Variants in RYR3 observed in about 807,000 individuals in gnomAD.
The protein encoded by RYR3 is brain ryanodine receptor-calcium release channel.
Under a neutral mutation model 584.3 loss-of-function variants are expected in RYR3, and 207 were observed. The ratio of observed to expected loss-of-function variants is 0.35; its 90% CI spans 0.32 to 0.40. The LOEUF (loss-of-function observed/expected upper bound fraction) is 0.40. Ranked by LOEUF, RYR3 falls within the 10% of genes least tolerant of loss-of-function variation. RYR3 has a pLI of 1.00. For synonymous variants in RYR3, 2,416 were observed against 2,248.5 expected (o/e 1.07, Z -2.11); for missense variants, 5,616 against 6,089.2 (o/e 0.92, Z 2.59).
rs2041921753 is a variant in RYR3 at position 33,390,476 on chromosome 15, T to A, written c.51+79380T>A. Among the ~76,000 whole-genome samples the A allele has an allele frequency of 6.6e-6, 1 of 152,222 alleles. No individual in the cohort carries two copies. The highest frequency in any genetic ancestry group is 1.5e-5 in the Non-Finnish European group (1 of 68,040). Reference sequence around the variant, plus strand: ...TGTGAAGTTGCTTCTCTTTATCTGTTGATCTTATGATGCTGAAAATAGGGG... The same window carrying A: ...TGTGAAGTTGCTTCTCTTTATCTGTAGATCTTATGATGCTGAAAATAGGGG... On this transcript the variant is annotated intron_variant, in intron 1 of 103. Transcript: ENST00000634891. The surrounding 1 kb of genome is among the most constrained non-coding windows in gnomAD (Gnocchi z 4.2).
chr15:33,794,222 A>ACT (rs2075408078), intron 67 of RYR3, among the ~76,000 whole-genome samples: 1 of 69,106 alleles, frequency 1.4e-5, no homozygotes, highest in Non-Finnish European at 3.0e-5. Context: ...ATTATATATA[A>ACT]ATATATATAA....
At chr15:33,614,838 A>C (rs956032502) in intron 19 of RYR3, among the ~76,000 whole-genome samples, 2 of 151,990 alleles carry the variant, frequency 1.3e-5, no homozygotes, top group African/African-American at 4.8e-5. Flanking sequence ...AGGAATGTAC[A>C]TCAAAGAAAA....
intron 38 of RYR3, among the ~76,000 whole-genome samples, chr15:33,673,677 A>G (rs540615265): frequency 2.6e-5 from 4 of 152,372 alleles, no homozygotes; most frequent in African/African-American, 7.2e-5. Flanking sequence ...GAGGCTGACC[A>G]TCTATTTCTC....
At chr15:33,582,840 C>T (rs548906595) in intron 14 of RYR3, among the ~76,000 whole-genome samples, 2 of 152,144 alleles carry the variant, frequency 1.3e-5, no homozygotes, top group African/African-American at 4.8e-5. Context: ...CTAGAGGAGG[C>T]CTTTCTTTAT....
chr15:33,550,280 C>T lies in RYR3; in HGVS notation c.936C>T (p.Asp312=), dbSNP rs1417461254. The change falls in exon 10 of 104, where the codon GAC becomes GAT. Residue 312 remains aspartate (D), a synonymous_variant. Transcript: ENST00000634891. The part of the protein sequence containing the change: ...GLILQDRAKS[D]TKSTAFSFRA... ...TACTGCAAGACCGGGCAAAGTCAGA[C>T]ACCAAGTCCACAGCTTTCTCTTTCC... 1 of 1,613,352 alleles carries T rather than the reference C, an allele frequency of 6.2e-7. No individual in the cohort carries two copies. Among genetic ancestry groups the T allele is most frequent in the African/African-American group, 1.3e-5 (1 of 74,914 alleles).
At chr15:33,835,882 C>T (rs1286887113) in intron 87 of RYR3, among the ~76,000 whole-genome samples, 3 of 150,888 alleles carry the variant, frequency 2.0e-5, no homozygotes, top group Non-Finnish European at 4.4e-5. Flanking sequence ...AGCCCTGGCC[C>T]TGCCACCTCC....
intron 1 of RYR3, among the ~76,000 whole-genome samples, chr15:33,357,177 A>T (rs1418543604): frequency 2.0e-5 from 3 of 152,178 alleles, no homozygotes; most frequent in Non-Finnish European, 2.9e-5. Flanking sequence ...GCCCAGCCCT[A>T]CTTCTGCCAC....
chr15:33,595,066 A>G (rs1595754553), intron 16 of RYR3, among the ~76,000 whole-genome samples: 1 of 150,470 alleles, frequency 6.6e-6, no homozygotes, highest in Admixed American at 6.6e-5. Flanking sequence ...ATGTCTTAAA[A>G]GATTAGATTA....
At chr15:33,820,713 TTTGA>T (rs761559166) in intron 77 of RYR3, 39 bp from the exon 78 acceptor site, 6 of 1,538,786 alleles carry the variant, frequency 3.9e-6, no homozygotes, top group South Asian at 2.4e-5. Flanking sequence ...TTCCCTTTAA[TTTGA>T]TTGTCTGTCT....
intron 3 of RYR3, among the ~76,000 whole-genome samples, chr15:33,514,577 T>C (rs2053333530): frequency 6.6e-6 from 1 of 152,136 alleles, no homozygotes; most frequent in African/African-American, 2.4e-5. Context: ...TTCATGTCTT[T>C]GATGAGCTAT....
intron 28 of RYR3, 196 bp from the exon 29 acceptor site, chr15:33,646,155 G>A: frequency 2.0e-6 from 1 of 489,592 alleles, no homozygotes; most frequent in Non-Finnish European, 3.6e-6. Context: ...AATTTCCCTA[G>A]CCAGGAGCAG....
At chr15:33,616,593 A>C (rs982893648) in intron 19 of RYR3, among the ~76,000 whole-genome samples, 30 of 152,332 alleles carry the variant, frequency 2.0e-4, no homozygotes, top group Admixed American at 3.3e-4. Context: ...TGCTGAGGAA[A>C]TTTAAGAAAC....
intron 16 of RYR3, among the ~76,000 whole-genome samples, chr15:33,590,736 T>G (rs1005924513): frequency 1.8e-4 from 28 of 152,032 alleles, no homozygotes; most frequent in African/African-American, 6.5e-4. Context: ...AGAGCTCCTA[T>G]GGGTTCATGA....
chr15:33,756,138 C>T (rs181542405), intron 58 of RYR3, among the ~76,000 whole-genome samples, 168 bp from the exon 59 acceptor site: 39 of 152,284 alleles, frequency 2.6e-4, no homozygotes, highest in Non-Finnish European at 5.0e-4. Flanking sequence ...AGAATTGACA[C>T]AAGAAATAGC....
At chr15:33,681,205 G>A (rs537858850) in intron 38 of RYR3, among the ~76,000 whole-genome samples, 1 of 152,290 alleles carries the variant, frequency 6.6e-6, no homozygotes, top group East Asian at 1.9e-4. Flanking sequence ...TCTCCAGTCT[G>A]GTTTGTAGCC....
At chr15:33,766,009 G>A (rs2073028708) in intron 60 of RYR3, among the ~76,000 whole-genome samples, 1 of 152,096 alleles carries the variant, frequency 6.6e-6, no homozygotes, top group Admixed American at 6.6e-5. Flanking sequence ...GGCTGAGTGC[G>A]GTGGCTCACG....
At position 33,451,577 on chromosome 15, in the gene RYR3, G is replaced by A. The variant is rs564972462; in HGVS notation, c.52-21842G>A. ...ATGCGTCAGTGACGTCTGCAGCAGC[G>A]TGCCAGAACTTGCCAGGATGGAAAA... On this transcript the variant is annotated intron_variant, in intron 1 of 103. Transcript: ENST00000634891. 5.5e-4 allele frequency among the ~76,000 whole-genome samples: 83 copies of A among 152,274 alleles called. No individual in the cohort carries two copies. The South Asian group carries it at 6.2e-3, about 11-fold the overall frequency.
chr15:33,678,905 A>G (rs1280740715), intron 38 of RYR3, among the ~76,000 whole-genome samples: 4 of 152,176 alleles, frequency 2.6e-5, no homozygotes, highest in African/African-American at 7.2e-5. Context: ...TAATCACAAC[A>G]TCCTTGTTCT....
intron 18 of RYR3, among the ~76,000 whole-genome samples, chr15:33,612,533 T>TA (rs780093107): frequency 3.9e-5 from 6 of 152,194 alleles, no homozygotes; most frequent in Non-Finnish European, 8.8e-5. Flanking sequence ...GCTACTTTTG[T>TA]ATTTTTAGTA....
Sources: gnomAD v4.1 joint callset for allele counts (sites outside exome capture counted in the v4.1 genomes callset) on GRCh38, gnomAD v4.1.1 for gene constraint, Gnocchi (gnomAD v3.1) non-coding constraint, MANE v1.5 for transcripts, NCBI Gene and HGNC (gene_info 2026-07-23, HGNC 2026-07-21) for gene names.